FBXO31: variants seen among roughly 807,000 people sequenced by gnomAD.
FBXO31 encodes the protein F-box only protein 31.
Under a neutral mutation model 54.4 loss-of-function variants are expected in FBXO31, and 24 were observed. That is an observed-to-expected ratio of 0.44 (90% CI 0.32 to 0.62). The LOEUF (loss-of-function observed/expected upper bound fraction) is 0.62. Ranked by LOEUF, FBXO31 falls within the 20% of genes least tolerant of loss-of-function variation. FBXO31 has a pLI of 0.05. For synonymous variants in FBXO31, 388 were observed against 335.6 expected (o/e 1.16, Z -1.71); for missense variants, 665 against 787.1 (o/e 0.84, Z 1.86).
At chr16:87,359,511 G>T (rs967131864) in intron 2 of FBXO31, among the ~76,000 whole-genome samples, 3 of 152,228 alleles carry the variant, frequency 2.0e-5, no homozygotes, top group Non-Finnish European at 2.9e-5. Context: ...AGAGAAATAT[G>T]TCTTCATGTC....
intron 2 of FBXO31, among the ~76,000 whole-genome samples, chr16:87,348,140 G>GC (rs1413624377): frequency 6.6e-6 from 1 of 152,026 alleles, no homozygotes; most frequent in Non-Finnish European, 1.5e-5. Flanking sequence ...TGAACCCCCA[G>GC]CCCACCCACT....
At chr16:87,388,130 A>C (rs930527841), upstream of FBXO31, among the ~76,000 whole-genome samples, 22 of 152,224 alleles carry the variant, frequency 1.4e-4, no homozygotes, top group African/African-American at 5.1e-4. Flanking sequence ...CTGGTGTTAC[A>C]CACTCATTTA....
chr16:87,370,582 G>A (rs1376761539), intron 1 of FBXO31, among the ~76,000 whole-genome samples: 1 of 152,182 alleles, frequency 6.6e-6, no homozygotes, highest in Non-Finnish European at 1.5e-5. Context: ...CTGTGGGTGG[G>A]GATGACTGAG....
At chr16:87,361,235 A>G (rs145140264) in intron 1 of FBXO31, among the ~76,000 whole-genome samples, 2,196 of 152,328 alleles carry the variant, frequency 0.014, 44 homozygotes, top group Non-Finnish European at 0.019. Flanking sequence ...GCAGTCCCAT[A>G]AGAGAGTCAC....
intron 7 of FBXO31, among the ~76,000 whole-genome samples, chr16:87,334,846 A>G (rs1232101798): frequency 1.3e-5 from 2 of 152,180 alleles, no homozygotes; most frequent in East Asian, 3.9e-4. Context: ...TGCTGGGCTC[A>G]CCACACAGCC....
chr16:87,351,033 C>T (rs371444239), intron 2 of FBXO31, among the ~76,000 whole-genome samples: 14 of 152,232 alleles, frequency 9.2e-5, no homozygotes, highest in African/African-American at 2.7e-4. Flanking sequence ...TAGTCTGTGA[C>T]GGCCACCAAA....
intron 5 of FBXO31, among the ~76,000 whole-genome samples, chr16:87,341,938 G>A (rs1187649101): frequency 1.3e-5 from 2 of 152,030 alleles, no homozygotes; most frequent in African/African-American, 2.4e-5. Flanking sequence ...CTGGCCGCGC[G>A]CGATGGCTCA....
intron 1 of FBXO31, among the ~76,000 whole-genome samples, chr16:87,361,698 A>G (rs74622263): frequency 0.035 from 5,308 of 152,298 alleles, 141 homozygotes; most frequent in Non-Finnish European, 0.056. Context: ...TCTTTTCAAT[A>G]GCATGGATGC....
chr16:87,347,946 C>A lies in FBXO31; in HGVS notation c.413-696G>T, dbSNP rs1317955749. Among the ~76,000 whole-genome samples the A allele has an allele frequency of 2.0e-5, 3 of 152,242 alleles. No homozygotes were observed. In the South Asian group the frequency reaches 6.2e-4, roughly 31 times the overall value. ...ATCCCAACAATGACAATGTCACACT[C>A]GCTGAAGGCCCAGGACACAACTTCT... On this transcript the variant is annotated intron_variant, in intron 2 of 8. Transcript: ENST00000311635.
At chr16:87,387,621 C>G (rs1454636783), upstream of FBXO31, among the ~76,000 whole-genome samples, 1 of 152,172 alleles carries the variant, frequency 6.6e-6, no homozygotes, top group Non-Finnish European at 1.5e-5. Context: ...TCCTGGCTAA[C>G]ACAGTGAAAC....
chr16:87,357,074 G>A (rs1253510396), intron 2 of FBXO31, among the ~76,000 whole-genome samples: 1 of 151,940 alleles, frequency 6.6e-6, no homozygotes, highest in Non-Finnish European at 1.5e-5. Flanking sequence ...AGTGAGACCC[G>A]TCACTACAAA....
intron 1 of FBXO31, among the ~76,000 whole-genome samples, chr16:87,379,960 T>C (rs1907000469): frequency 1.3e-5 from 2 of 148,990 alleles, no homozygotes; most frequent in African/African-American, 5.0e-5. Context: ...CTTGGGCCAC[T>C]GCACTCCAGC....
intron 3 of FBXO31, among the ~76,000 whole-genome samples, chr16:87,344,496 G>A (rs1181650799): frequency 2.0e-5 from 3 of 152,218 alleles, no homozygotes; most frequent in African/African-American, 4.8e-5. Flanking sequence ...TGGGAGAGCT[G>A]GGACCCATGA....
chr16:87,340,568 G>A (rs75120049), intron 5 of FBXO31, among the ~76,000 whole-genome samples: 7 of 152,212 alleles, frequency 4.6e-5, no homozygotes, highest in African/African-American at 2.4e-5. Context: ...AAAAGCATGA[G>A]CTCATTTGTA....
At chr16:87,348,147 C>G (rs1015105702) in intron 2 of FBXO31, among the ~76,000 whole-genome samples, 5 of 152,188 alleles carry the variant, frequency 3.3e-5, no homozygotes, top group African/African-American at 9.6e-5. Flanking sequence ...CCAGCCCACC[C>G]ACTGCCTCTC....
upstream of FBXO31, among the ~76,000 whole-genome samples, chr16:87,390,935 G>C (rs533106782): frequency 6.6e-6 from 1 of 152,190 alleles, no homozygotes; most frequent in Non-Finnish European, 1.5e-5. Flanking sequence ...TTACAGTGTA[G>C]AGTGTATTAG....
chr16:87,329,669 A>C lies in FBXO31; in HGVS notation c.*1619T>G, dbSNP rs1289120994. The C allele has an allele frequency of 6.6e-6, 1 of 152,004 alleles. No homozygotes were observed. Among genetic ancestry groups the C allele is most frequent in the Non-Finnish European group, 1.5e-5 (1 of 68,048 alleles). The allele number at this position is 152,004 out of a possible 1,614,324, so 9.4% of individuals were successfully genotyped here. On this transcript the variant is annotated 3_prime_UTR_variant, in exon 9 of 9. Coordinates refer to ENST00000311635, the MANE Select transcript of FBXO31 (RefSeq NM_024735.5). ...CCGCTAGAAACTGGGGCCACACACA[A>C]GAGCCAGCAGGTGCGCCTCGGGGTC...
intron 1 of FBXO31, among the ~76,000 whole-genome samples, chr16:87,379,479 A>C (rs1313699833): frequency 6.6e-6 from 1 of 152,170 alleles, no homozygotes; most frequent in East Asian, 1.9e-4. Flanking sequence ...GTTCCCTGAA[A>C]GGGGAACAAT....
At chr16:87,361,863 A>G (rs866258136) in intron 1 of FBXO31, among the ~76,000 whole-genome samples, 1 of 152,206 alleles carries the variant, frequency 6.6e-6, no homozygotes, top group Non-Finnish European at 1.5e-5. Context: ...CCTTGACAGC[A>G]TGTCCCCTGC....
Sources: allele counts gnomAD v4.1 joint callset (sites outside exome capture counted in the v4.1 genomes callset), GRCh38; gene constraint gnomAD v4.1.1; transcripts MANE v1.5; gene names NCBI Gene and HGNC (gene_info 2026-07-23, HGNC 2026-07-21).